Variants in ASTN2 observed in about 807,000 individuals in gnomAD.
ASTN2 encodes the protein astrotactin 2, also known as astrotactin-2.
Under a neutral mutation model 139.8 loss-of-function variants are expected in ASTN2, and 54 were observed. That is an observed-to-expected ratio of 0.39 (90% CI 0.31 to 0.48). ASTN2 has a LOEUF of 0.48. Among genes scored for constraint, ASTN2 ranks in the 20% least tolerant of loss-of-function variants. ASTN2 has a pLI of 0.95. For synonymous variants in ASTN2, 756 were observed against 719.5 expected (o/e 1.05, Z -0.81); for missense variants, 1,565 against 1,725.1 (o/e 0.91, Z 1.64).
chr9:117,047,844 ATTG>A (rs1336122835), intron 5 of ASTN2, among the ~76,000 whole-genome samples: 5 of 151,852 alleles, frequency 3.3e-5, no homozygotes, highest in South Asian at 2.1e-4. Context: ...CATAATAATA[ATTG>A]TTATTATTAT....
At chr9:116,531,137 C>G (rs1359627009) in intron 19 of ASTN2, among the ~76,000 whole-genome samples, 2 of 152,118 alleles carry the variant, frequency 1.3e-5, no homozygotes, top group Non-Finnish European at 2.9e-5. Flanking sequence ...AGTCTGTGTT[C>G]TCATTTTCTC....
At chr9:117,364,788 A>G (rs1009594301) in intron 1 of ASTN2, among the ~76,000 whole-genome samples, 2 of 152,116 alleles carry the variant, frequency 1.3e-5, no homozygotes, top group Non-Finnish European at 2.9e-5. Flanking sequence ...ATGAGACACA[A>G]TAAATAAGAA....
intron 16 of ASTN2, chr9:116,686,608 T>A: frequency 7.4e-7 from 1 of 1,359,430 alleles, no homozygotes; most frequent in Non-Finnish European, 1.0e-6. Context: ...CCAGATTCCC[T>A]CAAATCTCAG....
At chr9:117,051,411 C>G (rs948058529) in intron 5 of ASTN2, among the ~76,000 whole-genome samples, 1 of 152,086 alleles carries the variant, frequency 6.6e-6, no homozygotes, top group Admixed American at 6.5e-5. Flanking sequence ...AGAGGCAAAC[C>G]AGGATTCAAA....
At chr9:116,500,133 C>T (rs963885634) in intron 19 of ASTN2, among the ~76,000 whole-genome samples, 4 of 152,158 alleles carry the variant, frequency 2.6e-5, no homozygotes, top group African/African-American at 7.2e-5. Flanking sequence ...GCACCTCAGC[C>T]ACCCACACTG....
intron 10 of ASTN2, among the ~76,000 whole-genome samples, chr9:116,966,637 TACGTCC>T (rs1836017590): frequency 6.6e-6 from 1 of 150,812 alleles, no homozygotes; most frequent in Admixed American, 6.6e-5. Context: ...GGGCATAGAG[TACGTCC>T]ACCTGGGAGG....
At chr9:117,100,067 A>T (rs1482775538) in intron 4 of ASTN2, among the ~76,000 whole-genome samples, 2 of 152,208 alleles carry the variant, frequency 1.3e-5, no homozygotes, top group Non-Finnish European at 2.9e-5. Flanking sequence ...ACCACTAAGG[A>T]TTAGCAGTTC....
intron 16 of ASTN2, among the ~76,000 whole-genome samples, chr9:116,723,558 G>A (rs906504421): frequency 5.9e-5 from 9 of 152,128 alleles, no homozygotes; most frequent in African/African-American, 1.9e-4. Flanking sequence ...CCAACGTTTA[G>A]CAGATGGCAG....
At chr9:116,705,074 A>G (rs1469789343) in intron 16 of ASTN2, among the ~76,000 whole-genome samples, 2 of 152,176 alleles carry the variant, frequency 1.3e-5, no homozygotes, top group Non-Finnish European at 1.5e-5. Flanking sequence ...GTAAGCCACA[A>G]ATATCCCTGT....
At chr9:117,253,462 A>G (rs1204396113) in intron 2 of ASTN2, among the ~76,000 whole-genome samples, 2 of 152,150 alleles carry the variant, frequency 1.3e-5, no homozygotes, top group Non-Finnish European at 2.9e-5. Flanking sequence ...AGCTTCCCCA[A>G]GATAAAAAAC....
chr9:117,404,392 G>A (rs1244535291), intron 1 of ASTN2, among the ~76,000 whole-genome samples: 1 of 152,198 alleles, frequency 6.6e-6, no homozygotes, highest in Non-Finnish European at 1.5e-5. Flanking sequence ...AGACTTGGTT[G>A]TGCTGTGGAT....
intron 16 of ASTN2, among the ~76,000 whole-genome samples, chr9:116,707,511 C>T (rs1415574992): frequency 6.6e-6 from 1 of 151,930 alleles, no homozygotes; most frequent in East Asian, 1.9e-4. Context: ...ACCTTCCCTC[C>T]TCCCCAACCC....
intron 2 of ASTN2, among the ~76,000 whole-genome samples, chr9:117,228,780 C>G (rs910281124): frequency 6.6e-6 from 1 of 151,932 alleles, no homozygotes; most frequent in South Asian, 2.1e-4. Context: ...TTTAGGAGGC[C>G]GAGGCGGGTG....
intron 16 of ASTN2, among the ~76,000 whole-genome samples, chr9:116,684,925 CTAACTT>C (rs904865075): frequency 4.6e-5 from 7 of 152,324 alleles, no homozygotes; most frequent in African/African-American, 1.7e-4. Context: ...ATAGGCTGAA[CTAACTT>C]TGGGAGAAAT....
chr9:116,931,523 AC>A (rs1390096010), intron 10 of ASTN2, among the ~76,000 whole-genome samples: 1 of 152,172 alleles, frequency 6.6e-6, no homozygotes. Flanking sequence ...AATATAGTTA[AC>A]TACATTGAGC....
chr9:116,846,919 C>G (rs183299348), intron 11 of ASTN2, among the ~76,000 whole-genome samples: 1 of 149,188 alleles, frequency 6.7e-6, no homozygotes, highest in African/African-American at 2.5e-5. Flanking sequence ...AGTCGCGAAG[C>G]CTTCTGCACA....
chr9:116,750,505 C>T (rs1306601643), intron 13 of ASTN2, among the ~76,000 whole-genome samples: 1 of 151,984 alleles, frequency 6.6e-6, no homozygotes, highest in Admixed American at 6.6e-5. Context: ...AAACCTGCTA[C>T]AGTAGAAGAA....
chr9:116,799,501 C>T (rs1353636531), intron 13 of ASTN2, among the ~76,000 whole-genome samples: 1 of 152,146 alleles, frequency 6.6e-6, no homozygotes. Flanking sequence ...GCAGACCCAT[C>T]TTATTTATGA....
intron 6 of ASTN2, among the ~76,000 whole-genome samples, chr9:117,022,888 C>A (rs1837929179): frequency 6.6e-6 from 1 of 152,012 alleles, no homozygotes; most frequent in African/African-American, 2.4e-5. Context: ...TCTGAGAAGA[C>A]CACCTGTCCC....
Sources: allele counts gnomAD v4.1 joint callset (sites outside exome capture counted in the v4.1 genomes callset), GRCh38; gene constraint gnomAD v4.1.1; transcripts MANE v1.5; gene names NCBI Gene and HGNC (gene_info 2026-07-23, HGNC 2026-07-21).